Variants in HSPA12A observed in about 807,000 individuals in gnomAD.
HSPA12A encodes heat shock 70 kDa protein 12A.
Under a neutral mutation model 69.2 loss-of-function variants are expected in HSPA12A, and 28 were observed. The ratio of observed to expected loss-of-function variants is 0.40; its 90% CI spans 0.30 to 0.55. The LOEUF (loss-of-function observed/expected upper bound fraction) is 0.55. HSPA12A is among the 20% of genes least tolerant of loss of function. The pLI, the probability that HSPA12A is intolerant of heterozygous loss-of-function variation, is 0.38. For synonymous variants in HSPA12A, 345 were observed against 370.5 expected (o/e 0.93, Z 0.79); for missense variants, 686 against 900.7 (o/e 0.76, Z 3.05).
intron 2 of HSPA12A, among the ~76,000 whole-genome samples, chr10:116,764,827 C>G (rs539862150): frequency 1.3e-5 from 2 of 152,102 alleles, no homozygotes; most frequent in East Asian, 1.9e-4. Context: ...TATAGCCACA[C>G]AAAAAAATCA....
chr10:116,714,053 G>A (rs1199847787), intron 1 of HSPA12A, among the ~76,000 whole-genome samples: 2 of 151,166 alleles, frequency 1.3e-5, no homozygotes, highest in East Asian at 3.9e-4. Context: ...GATGGTGGGT[G>A]GATGGATGGA....
intron 6 of HSPA12A, among the ~76,000 whole-genome samples, 173 bp from the exon 7 acceptor site, chr10:116,684,135 C>T (rs1050136360): frequency 9.9e-5 from 15 of 152,128 alleles, no homozygotes; most frequent in African/African-American, 3.6e-4. Context: ...CGGTACTGGG[C>T]CCCAAGCCAG....
At position 116,763,507 on chromosome 10, in the gene HSPA12A, C is replaced by T. The variant is rs187930783; in HGVS notation, c.92-56222G>A. ...ATACATCGCTTCTGTTTGTATAGTGCGATATGATCCAGTCTCTCCATGCAT... is the reference window on the plus strand; with the variant it reads ...ATACATCGCTTCTGTTTGTATAGTGTGATATGATCCAGTCTCTCCATGCAT... On this transcript the variant is annotated intron_variant, in intron 2 of 12. Coordinates refer to the HSPA12A transcript ENST00000635765. Among the ~76,000 whole-genome samples, 697 of 152,240 alleles carry T rather than the reference C, an allele frequency of 4.6e-3. 2 individuals are homozygous for T. Among genetic ancestry groups the T allele is most frequent in the African/African-American group, 0.016 (667 of 41,530 alleles).
chr10:116,748,997 C>T (rs1851712463), intron 2 of HSPA12A, among the ~76,000 whole-genome samples: 1 of 152,132 alleles, frequency 6.6e-6, no homozygotes, highest in African/African-American at 2.4e-5. Context: ...CTCTCCCTTC[C>T]TCACCCCCTG....
intron 1 of HSPA12A, among the ~76,000 whole-genome samples, chr10:116,842,858 G>T (rs1174114492): frequency 2.0e-5 from 3 of 152,178 alleles, no homozygotes; most frequent in East Asian, 1.9e-4. Flanking sequence ...CTCCCAAAGT[G>T]TTGAGATTAC....
upstream of HSPA12A, among the ~76,000 whole-genome samples, chr10:116,744,774 G>A (rs1332688652): frequency 1.3e-5 from 2 of 152,194 alleles, no homozygotes; most frequent in East Asian, 1.9e-4. Flanking sequence ...TGCAGGAGAG[G>A]AAAAGGAAGC....
intron 2 of HSPA12A, among the ~76,000 whole-genome samples, chr10:116,778,191 G>A (rs1371382143): frequency 1.3e-5 from 2 of 152,094 alleles, no homozygotes; most frequent in African/African-American, 2.4e-5. Context: ...GTCCCAAGAT[G>A]GTTACTTGAC....
intron 1 of HSPA12A, among the ~76,000 whole-genome samples, chr10:116,734,924 G>A (rs1221612502): frequency 3.3e-5 from 5 of 152,068 alleles, no homozygotes; most frequent in Non-Finnish European, 7.4e-5. Flanking sequence ...CCCGGGAGGC[G>A]GAGCTTGCAG....
At chr10:116,707,151 GCGCA>G (rs782615020) in intron 2 of HSPA12A, 45 bp downstream of exon 2, 129,542 of 988,174 alleles carry the variant, frequency 0.13, 6,320 homozygotes, top group South Asian at 0.17. Flanking sequence ...GCACCCATGC[GCGCA>G]CACACACACA....
chr10:116,678,528 C>T (rs1386370097), intron 10 of HSPA12A, among the ~76,000 whole-genome samples: 1 of 138,720 alleles, frequency 7.2e-6, no homozygotes, highest in Non-Finnish European at 1.5e-5. Flanking sequence ...TAGTGGGACT[C>T]GAGGGGCGTA....
chr10:116,750,218 T>A lies in HSPA12A; in HGVS notation c.92-42933A>T, dbSNP rs540233391. 1.5e-5 allele frequency: 11 copies of A among 735,952 alleles called. No individual in the cohort carries two copies. In the African/African-American group the frequency reaches 1.7e-4, roughly 11 times the overall value. 45.6% of individuals were successfully genotyped at this position (735,952 alleles called of 1,614,324 possible). A position where few individuals can be genotyped will look rare whatever the true frequency, so the allele number is the denominator to read the frequency against. ...ACATTGTCCTGGCCTGCTGCTGGCC[T>A]GCAGGCTTCTCAATAGGTCTGGCAT... is the stretch of plus-strand genomic sequence containing the variant. On this transcript the variant is annotated intron_variant, in intron 2 of 12. Coordinates refer to the HSPA12A transcript ENST00000635765.
intron 6 of HSPA12A, 120 bp from the exon 7 acceptor site, chr10:116,684,082 A>G (rs1849503920): frequency 2.5e-6 from 2 of 814,990 alleles, no homozygotes; most frequent in Admixed American, 2.9e-5. Context: ...TCTGTGGGAC[A>G]TTCTCTACAC....
intron 2 of HSPA12A, among the ~76,000 whole-genome samples, chr10:116,798,073 A>C (rs1844870806): frequency 6.8e-6 from 1 of 147,208 alleles, no homozygotes; most frequent in African/African-American, 2.5e-5. Flanking sequence ...GGCTGGGACC[A>C]GATCACGTGG....
In HSPA12A at chr10:116,707,199, C is replaced by G; in HGVS notation, c.126+1G>C. 1 of 1,572,868 alleles carries G rather than the reference C, an allele frequency of 6.4e-7. No homozygotes were observed. Among genetic ancestry groups the G allele is most frequent in the Non-Finnish European group, 8.7e-7 (1 of 1,149,046 alleles). On this transcript the variant is annotated splice_donor_variant, in intron 2 of 11. Transcript: ENST00000369209. LOFTEE classifies it high-confidence loss of function. The stretch of plus-strand genomic sequence containing the variant: ...CACACACACACACACACACTTCTTA[C>G]CACAATATGGGAGGGGGACAGAGGC...
rs532329909 is a variant in HSPA12A, at chr10:116,768,045, G to A, written c.92-60760C>T. ...CAAAAATCTAAGTTTACACAGTAAC[G>A]TGGACACAAGTGTTCACAGCAGCAC... On this transcript the variant is annotated intron_variant, in intron 2 of 12. Transcript: ENST00000635765. Among the ~76,000 whole-genome samples, 9 of 152,288 alleles carry A rather than the reference G, an allele frequency of 5.9e-5. No individual in the cohort carries two copies. The South Asian group carries it at 1.5e-3, about 25-fold the overall frequency.
intron 1 of HSPA12A, among the ~76,000 whole-genome samples, chr10:116,843,671 A>T (rs1401693167): frequency 6.6e-6 from 1 of 152,200 alleles, no homozygotes; most frequent in Non-Finnish European, 1.5e-5. Context: ...GGAAGGCTTC[A>T]TCATTCTCTT....
At chr10:116,809,698 C>T (rs1414498415) in intron 2 of HSPA12A, among the ~76,000 whole-genome samples, 1 of 152,230 alleles carries the variant, frequency 6.6e-6, no homozygotes, top group Non-Finnish European at 1.5e-5. Context: ...ATTTGCTGTG[C>T]CAGCGCCTGG....
chr10:116,741,478 C>T (rs1265447340), intron 1 of HSPA12A, among the ~76,000 whole-genome samples: 1 of 152,252 alleles, frequency 6.6e-6, no homozygotes, highest in African/African-American at 2.4e-5. Context: ...GCTCCTCTCC[C>T]CGGCGGCCGC....
chr10:116,698,336 AT>A (rs1849976016), intron 5 of HSPA12A: 1 of 270,798 alleles, frequency 3.7e-6, no homozygotes, highest in African/African-American at 2.2e-5. Context: ...TTCTTCTTTC[AT>A]TTCTCTTAGG....
Sources: gnomAD v4.1 joint callset for allele counts (sites outside exome capture counted in the v4.1 genomes callset) on GRCh38, gnomAD v4.1.1 for gene constraint, MANE v1.5 for transcripts, NCBI Gene and HGNC (gene_info 2026-07-23, HGNC 2026-07-21) for gene names.